Variants in ST18 observed in about 807,000 individuals in gnomAD.
ST18 encodes the protein ST18 C2H2C-type zinc finger transcription factor.
Under a neutral mutation model 110.0 loss-of-function variants are expected in ST18, and 50 were observed. The observed-to-expected ratio is 0.45, with a 90% confidence interval of 0.36 to 0.58. The LOEUF is 0.58. ST18 is among the 20% of genes least tolerant of loss of function. The pLI, the probability that ST18 is intolerant of heterozygous loss-of-function variation, is 0.00. For synonymous variants in ST18, 461 were observed against 452.4 expected (o/e 1.02, Z -0.24); for missense variants, 1,306 against 1,280.1 (o/e 1.02, Z -0.31).
intron 8 of ST18, among the ~76,000 whole-genome samples, chr8:52,187,308 T>C (rs2134568112): frequency 6.6e-6 from 1 of 152,354 alleles, no homozygotes; most frequent in East Asian, 1.9e-4. Context: ...GGTACTATTA[T>C]ATCTCTAAAG....
chr8:52,396,851 A>G (rs769688628), intron 2 of ST18, among the ~76,000 whole-genome samples: 19 of 152,294 alleles, frequency 1.2e-4, no homozygotes, highest in Non-Finnish European at 2.1e-4. Flanking sequence ...ACTGGTAAAT[A>G]CATAACACAT....
intron 2 of ST18, among the ~76,000 whole-genome samples, chr8:52,251,225 T>C (rs956858170): frequency 6.6e-6 from 1 of 152,160 alleles, no homozygotes; most frequent in African/African-American, 2.4e-5. Context: ...TGGGGAAATA[T>C]GAATCTTGAA....
intron 2 of ST18, among the ~76,000 whole-genome samples, chr8:52,363,763 G>A (rs1392484431): frequency 6.6e-6 from 1 of 151,390 alleles, no homozygotes; most frequent in East Asian, 2.0e-4. Flanking sequence ...GGGTTATATT[G>A]TTTCTCACTT....
At position 52,112,514 on chromosome 8, in the gene ST18, A is replaced by C. The variant is rs1271328895; in HGVS notation, c.*684T>G. 2 of 152,668 alleles carry C rather than the reference A, an allele frequency of 1.3e-5. No individual in the cohort carries two copies. Among genetic ancestry groups the C allele is most frequent in the African/African-American group, 4.8e-5 (2 of 41,460 alleles). 9.5% of individuals were successfully genotyped at this position (152,668 alleles called of 1,614,324 possible). Reference sequence around the variant, plus strand: ...ATTGCTATATTTAATTATTGCTAACAAATTCTGAGCAGGCTGTTTTCCAGC... The same window carrying C: ...ATTGCTATATTTAATTATTGCTAACCAATTCTGAGCAGGCTGTTTTCCAGC... On this transcript the variant is annotated 3_prime_UTR_variant, in exon 26 of 26. Coordinates refer to ENST00000689386, the MANE Select transcript of ST18 (RefSeq NM_001352837.2).
rs569910362 is a variant in ST18, at chr8:52,214,905, T to C, written c.1-648A>G. On this transcript the variant is annotated intron_variant, in intron 6 of 25. Transcript: ENST00000689386. ...TCTCCAAAACATCATTATTAAATAT[T>C]TTAAATGTCATCAAATCAATTATCA... Among the ~76,000 whole-genome samples, 19 of 152,328 alleles carry C rather than the reference T, an allele frequency of 1.2e-4. 1 individual carries two copies. The highest frequency in any genetic ancestry group is 3.3e-4 in the Admixed American group (5 of 15,302).
intron 2 of ST18, among the ~76,000 whole-genome samples, chr8:52,357,865 T>C (rs973671777): frequency 2.0e-5 from 3 of 150,386 alleles, no homozygotes; most frequent in African/African-American, 4.9e-5. Flanking sequence ...CTAAAAGACA[T>C]GTCTAGAGCG....
intron 8 of ST18, among the ~76,000 whole-genome samples, chr8:52,190,943 A>G (rs540434088): frequency 6.6e-6 from 1 of 152,334 alleles, no homozygotes; most frequent in East Asian, 1.9e-4. Flanking sequence ...GCATATGCCC[A>G]CTTATAACAA....
chr8:52,278,397 T>C (rs1471201480), intron 2 of ST18, among the ~76,000 whole-genome samples: 1 of 152,184 alleles, frequency 6.6e-6, no homozygotes, highest in Non-Finnish European at 1.5e-5. Flanking sequence ...AAATAACATA[T>C]ACATGTGAGG....
intron 8 of ST18, 51 bp from the exon 9 acceptor site, chr8:52,180,363 G>T: frequency 6.3e-7 from 1 of 1,588,516 alleles, no homozygotes; most frequent in Non-Finnish European, 8.6e-7. Flanking sequence ...ATTTACTGCT[G>T]TTTGGCATTT....
intron 25 of ST18, 54 bp downstream of exon 25, chr8:52,116,221 G>GA: frequency 6.3e-7 from 1 of 1,583,472 alleles, no homozygotes. Flanking sequence ...GTAGATGCAT[G>GA]ATGACACTGC....
intron 6 of ST18, among the ~76,000 whole-genome samples, chr8:52,214,717 A>G (rs541207959): frequency 6.6e-6 from 1 of 152,320 alleles, no homozygotes; most frequent in East Asian, 1.9e-4. Context: ...AAAAAGCACC[A>G]TGAAGACAAA....
chr8:52,341,694 G>A lies in ST18; in HGVS notation c.-465+67634C>T, dbSNP rs529408756. On this transcript the variant is annotated intron_variant, in intron 2 of 25. Coordinates refer to ENST00000689386, the MANE Select transcript of ST18 (RefSeq NM_001352837.2). ...AATTTTGCTATAAGTAAGAGTTGGT[G>A]TGTGTTCTCTGAGATTCACTTTGAT... 1.7e-4 allele frequency among the ~76,000 whole-genome samples: 26 copies of A among 152,354 alleles called. 1 individual carries two copies. Among genetic ancestry groups the A allele is most frequent in the Middle Eastern group, 3.4e-3 (1 of 294 alleles).
chr8:52,342,925 A>T (rs1815815860), intron 2 of ST18, among the ~76,000 whole-genome samples: 1 of 152,226 alleles, frequency 6.6e-6, no homozygotes, highest in Non-Finnish European at 1.5e-5. Flanking sequence ...AGTGAATGGC[A>T]AAACGAAAGA....
intron 2 of ST18, among the ~76,000 whole-genome samples, chr8:52,261,739 C>T (rs1193189832): frequency 6.6e-6 from 1 of 152,198 alleles, no homozygotes; most frequent in Non-Finnish European, 1.5e-5. Context: ...ATTTCCAAGG[C>T]TTTGTCCCAA....
At chr8:52,172,701 A>G (rs2065406399) in intron 9 of ST18, 118 bp from the exon 10 acceptor site, 3 of 681,358 alleles carry the variant, frequency 4.4e-6, no homozygotes, top group Non-Finnish European at 7.1e-6. Context: ...ATACACATAC[A>G]TATATGTACA....
At chr8:52,121,083 G>A (rs1240073075) in intron 23 of ST18, among the ~76,000 whole-genome samples, 1 of 152,152 alleles carries the variant, frequency 6.6e-6, no homozygotes, top group Non-Finnish European at 1.5e-5. Flanking sequence ...GCTAAGTTAT[G>A]AGTGCTTGTG....
chr8:52,374,532 A>G (rs890851523), intron 2 of ST18, among the ~76,000 whole-genome samples: 1 of 151,452 alleles, frequency 6.6e-6, no homozygotes, highest in African/African-American at 2.4e-5. Context: ...ATTTCATTTT[A>G]TTTTATTTTT....
chr8:52,130,145 AAG>A (rs1438308865), intron 22 of ST18, among the ~76,000 whole-genome samples: 1 of 151,368 alleles, frequency 6.6e-6, no homozygotes, highest in African/African-American at 2.4e-5. Context: ...GAAAGAAAGA[AAG>A]AAAGAAAGAA....
At chr8:52,222,939 T>C (rs1409250696) in intron 3 of ST18, among the ~76,000 whole-genome samples, 2 of 152,160 alleles carry the variant, frequency 1.3e-5, no homozygotes, top group East Asian at 1.9e-4. Flanking sequence ...CTTAGATGAA[T>C]ACTTTTGCAT....
Sources: gnomAD v4.1 joint callset for allele counts (sites outside exome capture counted in the v4.1 genomes callset) on GRCh38, gnomAD v4.1.1 for gene constraint, MANE v1.5 for transcripts, NCBI Gene and HGNC (gene_info 2026-07-23, HGNC 2026-07-21) for gene names.